Variants in PTPRK observed in about 807,000 individuals in gnomAD.
PTPRK encodes protein tyrosine phosphatase receptor type K, also known as receptor-type tyrosine-protein phosphatase kappa.
PTPRK carries 75 observed loss-of-function variants against 178.0 expected under a neutral mutation model. That is an observed-to-expected ratio of 0.42 (90% CI 0.35 to 0.51). The LOEUF (loss-of-function observed/expected upper bound fraction) is 0.51. Ranked by LOEUF, PTPRK falls within the 20% of genes least tolerant of loss-of-function variation. The pLI is 0.02. For synonymous variants in PTPRK, 637 were observed against 620.6 expected (o/e 1.03, Z -0.39); for missense variants, 1,441 against 1,797.8 (o/e 0.80, Z 3.59).
intron 2 of PTPRK, among the ~76,000 whole-genome samples, chr6:128,358,254 C>A (rs542632514): frequency 6.6e-6 from 1 of 152,272 alleles, no homozygotes; most frequent in South Asian, 2.1e-4. Context: ...AAGGAGAGGG[C>A]ATATTCAGGC....
In PTPRK at chr6:128,353,913, G is replaced by A. The variant is rs191433601; in HGVS notation, c.224-31603C>T. On this transcript the variant is annotated intron_variant, in intron 2 of 29. Coordinates refer to ENST00000368226, the MANE Select transcript of PTPRK (RefSeq NM_002844.4). Reference sequence around the variant, plus strand: ...AATAAGATCAGGTTCTATCAATATCGGTTTCCAAGTTGTGATAATGTACTA... The same window carrying A: ...AATAAGATCAGGTTCTATCAATATCAGTTTCCAAGTTGTGATAATGTACTA... Among the ~76,000 whole-genome samples, 593 of 152,214 alleles carry A rather than the reference G, an allele frequency of 3.9e-3. 3 individuals carry two copies. Among genetic ancestry groups the A allele is most frequent in the African/African-American group, 0.013 (551 of 41,526 alleles).
intron 2 of PTPRK, among the ~76,000 whole-genome samples, chr6:128,385,366 C>T (rs1838555717): frequency 2.0e-5 from 3 of 151,976 alleles, no homozygotes; most frequent in Admixed American, 1.3e-4. Context: ...TGGTATGTTC[C>T]ATATTTTTTA....
intron 7 of PTPRK, among the ~76,000 whole-genome samples, chr6:128,177,329 C>T (rs566882734): frequency 4.6e-4 from 69 of 151,640 alleles, no homozygotes; most frequent in Non-Finnish European, 4.6e-4. Flanking sequence ...AAATAAAAAA[C>T]CTAGGACTTG....
At chr6:128,508,798 G>A (rs575899657) in intron 1 of PTPRK, among the ~76,000 whole-genome samples, 101 of 152,080 alleles carry the variant, frequency 6.6e-4, no homozygotes, top group African/African-American at 2.3e-3. Flanking sequence ...CAAAAAAATA[G>A]CCGGGCATGG....
chr6:128,422,776 G>C (rs904031163), intron 1 of PTPRK, among the ~76,000 whole-genome samples: 1 of 148,264 alleles, frequency 6.7e-6, no homozygotes, highest in Non-Finnish European at 1.5e-5. Context: ...ATAATAACCT[G>C]GTCAGTTACT....
chr6:128,113,817 C>T (rs936500625), intron 7 of PTPRK, among the ~76,000 whole-genome samples: 1 of 152,072 alleles, frequency 6.6e-6, no homozygotes, highest in Non-Finnish European at 1.5e-5. Flanking sequence ...AGTCACAGTC[C>T]TCTAAATACA....
intron 7 of PTPRK, among the ~76,000 whole-genome samples, chr6:128,141,244 A>T (rs540929292): frequency 2.6e-5 from 4 of 151,970 alleles, no homozygotes; most frequent in African/African-American, 9.7e-5. Flanking sequence ...ATTCTGCTAT[A>T]GTAATACAAA....
At chr6:128,358,520 G>A (rs1834266887) in intron 2 of PTPRK, among the ~76,000 whole-genome samples, 1 of 152,184 alleles carries the variant, frequency 6.6e-6, no homozygotes, top group Non-Finnish European at 1.5e-5. Context: ...ACAATAAGAA[G>A]AAAAACGTGA....
intron 1 of PTPRK, among the ~76,000 whole-genome samples, chr6:128,497,600 T>A (rs918558711): frequency 6.6e-6 from 1 of 152,180 alleles, no homozygotes; most frequent in Non-Finnish European, 1.5e-5. Context: ...ACACCTTGGC[T>A]TCCTTGTTTT....
In PTPRK at chr6:128,464,638, CATATATATATATAT is replaced by C. The variant is rs10665667; in HGVS notation, c.100+55607_100+55620del. Among the ~76,000 whole-genome samples, 339 of 48,608 alleles carry C rather than the reference CATATATATATATAT, an allele frequency of 7.0e-3. 4 individuals carry two copies. Among genetic ancestry groups the C allele is most frequent in the Middle Eastern group, 0.06 (3 of 50 alleles). 31.9% of individuals were successfully genotyped at this position (48,608 alleles called of 152,430 possible). ...ACATATACATATATATATATATACA[CATATATATATATAT>C]ATATATATATATATATATATATACA... On this transcript the variant is annotated intron_variant, in intron 1 of 29. Transcript: ENST00000368226.
At chr6:128,283,926 T>C (rs1007821981) in intron 3 of PTPRK, among the ~76,000 whole-genome samples, 2 of 152,176 alleles carry the variant, frequency 1.3e-5, no homozygotes, top group Admixed American at 1.3e-4. Context: ...TCTGCCTGAC[T>C]CCATGTGGCC....
intron 15 of PTPRK, among the ~76,000 whole-genome samples, chr6:128,000,535 A>G (rs1777707623): frequency 6.6e-6 from 1 of 151,902 alleles, no homozygotes; most frequent in African/African-American, 2.4e-5. Flanking sequence ...TTTTACTCAG[A>G]TTTTGCCCAC....
intron 7 of PTPRK, among the ~76,000 whole-genome samples, chr6:128,178,089 A>T (rs1583345400): frequency 6.6e-6 from 1 of 152,030 alleles, no homozygotes; most frequent in African/African-American, 2.4e-5. Flanking sequence ...GGATAAGGCC[A>T]TGGCTTTGTT....
intron 7 of PTPRK, among the ~76,000 whole-genome samples, chr6:128,100,592 T>C (rs1484236085): frequency 6.6e-6 from 1 of 152,052 alleles, no homozygotes; most frequent in Admixed American, 6.6e-5. Flanking sequence ...TTGTAATTTT[T>C]TGAACATTAG....
At chr6:128,504,956 C>T (rs906750857) in intron 1 of PTPRK, among the ~76,000 whole-genome samples, 25 of 152,148 alleles carry the variant, frequency 1.6e-4, no homozygotes, top group African/African-American at 6.0e-4. Flanking sequence ...GGGTCCAGGA[C>T]AAGCAAGTAT....
intron 4 of PTPRK, 24 bp from the exon 5 acceptor site, chr6:128,240,174 T>C (rs561550851): frequency 1.1e-4 from 161 of 1,504,558 alleles, no homozygotes; most frequent in Non-Finnish European, 1.3e-4. Flanking sequence ...GAAAAAAAAA[T>C]GTATTTGTTT....
At chr6:128,420,053 A>G (rs765681253) in intron 1 of PTPRK, among the ~76,000 whole-genome samples, 2 of 152,322 alleles carry the variant, frequency 1.3e-5, no homozygotes, top group East Asian at 3.9e-4. Context: ...GAATGTGTAT[A>G]AGATCTACTA....
intron 2 of PTPRK, among the ~76,000 whole-genome samples, chr6:128,380,834 A>G (rs1465065233): frequency 6.6e-6 from 1 of 152,218 alleles, no homozygotes; most frequent in East Asian, 1.9e-4. Context: ...CAATCTGGGC[A>G]CAGCCCAAAC....
chr6:128,320,364 G>A (rs754162109), intron 3 of PTPRK, among the ~76,000 whole-genome samples: 4 of 151,990 alleles, frequency 2.6e-5, no homozygotes, highest in African/African-American at 4.8e-5. Flanking sequence ...ATGTTATTTC[G>A]TAGTTACGAG....
Sources: allele counts gnomAD v4.1 joint callset (sites outside exome capture counted in the v4.1 genomes callset), GRCh38; gene constraint gnomAD v4.1.1; transcripts MANE v1.5; gene names NCBI Gene and HGNC (gene_info 2026-07-23, HGNC 2026-07-21).